The following SORCS3 variants were observed in gnomAD, a reference collection of about 807,000 sequenced individuals.
SORCS3 encodes sortilin related VPS10 domain containing receptor 3.
In SORCS3, 57 loss-of-function variants were observed where a neutral mutation model predicts 146.3. The observed-to-expected ratio is 0.39, with a 90% CI of 0.31 to 0.49. The LOEUF is 0.49. Ranked by LOEUF, SORCS3 falls within the 20% of genes least tolerant of loss-of-function variation. SORCS3 has a pLI of 0.92. For missense variants in SORCS3, 1,341 were observed against 1,575.5 expected (o/e 0.85, Z 2.52); for synonymous variants, 653 against 618.5 (o/e 1.06, Z -0.83).
chr10:105,190,442 G>A (rs1458939464), intron 14 of SORCS3, among the ~76,000 whole-genome samples: 1 of 152,176 alleles, frequency 6.6e-6, no homozygotes, highest in Non-Finnish European at 1.5e-5. Context: ...GTCTCGCTCT[G>A]TCACCTCGGC....
chr10:105,219,248 T>C (rs2056684463), intron 19 of SORCS3, among the ~76,000 whole-genome samples: 1 of 152,080 alleles, frequency 6.6e-6, no homozygotes, highest in African/African-American at 2.4e-5. Context: ...GGGCAAAGTC[T>C]AGAGGAAACG....
chr10:105,072,026 G>A (rs966886782), intron 5 of SORCS3, among the ~76,000 whole-genome samples: 1 of 152,166 alleles, frequency 6.6e-6, no homozygotes, highest in African/African-American at 2.4e-5. Context: ...GAATTCATGA[G>A]CGCTACTTTG....
At chr10:104,852,771 A>G (rs1400988370) in intron 2 of SORCS3, among the ~76,000 whole-genome samples, 1 of 152,202 alleles carries the variant, frequency 6.6e-6, no homozygotes, top group Non-Finnish European at 1.5e-5. Context: ...CCTCCTCTTT[A>G]TAATGACGAC....
At chr10:105,242,460 T>TTA (rs1276419907) in intron 20 of SORCS3, among the ~76,000 whole-genome samples, 10 of 81,984 alleles carry the variant, frequency 1.2e-4, no homozygotes, top group African/African-American at 3.0e-4. Context: ...TTATATATAT[T>TTA]TATATATTTA....
chr10:105,102,116 C>T (rs2055789134), intron 6 of SORCS3, among the ~76,000 whole-genome samples: 1 of 152,184 alleles, frequency 6.6e-6, no homozygotes, highest in Non-Finnish European at 1.5e-5. Context: ...GTTGGACAAG[C>T]TGTTGCTACA....
intron 4 of SORCS3, among the ~76,000 whole-genome samples, chr10:104,991,237 T>C (rs1190374054): frequency 6.6e-6 from 1 of 152,162 alleles, no homozygotes; most frequent in Non-Finnish European, 1.5e-5. Context: ...TGGGGTGCTA[T>C]AGCAAAGTAC....
chr10:104,677,690 T>C (rs1193870832), intron 1 of SORCS3, among the ~76,000 whole-genome samples: 3 of 152,194 alleles, frequency 2.0e-5, no homozygotes, highest in Admixed American at 1.3e-4. Context: ...GGACGAAATG[T>C]GGCAGGAATG....
intron 3 of SORCS3, among the ~76,000 whole-genome samples, chr10:104,929,959 G>T (rs532528807): frequency 6.6e-6 from 1 of 152,260 alleles, no homozygotes; most frequent in South Asian, 2.1e-4. Context: ...CAAAATAAAG[G>T]ACAGTGACTG....
At chr10:105,080,093 T>C (rs988004089) in intron 5 of SORCS3, among the ~76,000 whole-genome samples, 9 of 152,214 alleles carry the variant, frequency 5.9e-5, no homozygotes, top group Non-Finnish European at 1.5e-5. Context: ...GATTACTGTT[T>C]CAAAAGGTAG....
intron 1 of SORCS3, among the ~76,000 whole-genome samples, chr10:104,723,936 C>T (rs1027140150): frequency 1.6e-4 from 24 of 152,224 alleles, no homozygotes; most frequent in African/African-American, 5.8e-4. Context: ...TCCAGTTTGC[C>T]AGTCTGTGTC....
At chr10:104,784,323 G>A (rs1381057408) in intron 1 of SORCS3, among the ~76,000 whole-genome samples, 2 of 152,128 alleles carry the variant, frequency 1.3e-5, no homozygotes, top group Non-Finnish European at 2.9e-5. Flanking sequence ...GGCCAGGGAG[G>A]CTGCTATTCA....
chr10:104,927,643 C>G (rs1355740438), intron 3 of SORCS3, among the ~76,000 whole-genome samples: 1 of 152,110 alleles, frequency 6.6e-6, no homozygotes, highest in Non-Finnish European at 1.5e-5. Flanking sequence ...CTTTGGGAGG[C>G]CGAGGCAGGT....
chr10:104,704,793 C>T (rs2016317748), intron 1 of SORCS3, among the ~76,000 whole-genome samples: 1 of 152,148 alleles, frequency 6.6e-6, no homozygotes, highest in South Asian at 2.1e-4. Context: ...TTCAGTGTTC[C>T]AGCCATACCA....
chr10:104,973,156 C>CT (rs1349545449), intron 3 of SORCS3, among the ~76,000 whole-genome samples: 4 of 151,950 alleles, frequency 2.6e-5, no homozygotes, highest in African/African-American at 7.3e-5. Flanking sequence ...CTAAAATTCT[C>CT]TTTTTTGGTT....
chr10:104,646,873 T>C (rs1317957505), intron 1 of SORCS3, among the ~76,000 whole-genome samples: 1 of 152,124 alleles, frequency 6.6e-6, no homozygotes, highest in African/African-American at 2.4e-5. Context: ...AAGTTTATTC[T>C]CCTGGTGTTG....
At chr10:105,102,528 T>C (rs2055792177) in intron 6 of SORCS3, among the ~76,000 whole-genome samples, 1 of 152,098 alleles carries the variant, frequency 6.6e-6, no homozygotes, top group South Asian at 2.1e-4. Context: ...GGGCTTACTT[T>C]TGAGGGAAGA....
At chr10:104,998,883 A>G (rs1176114009) in intron 4 of SORCS3, among the ~76,000 whole-genome samples, 1 of 152,150 alleles carries the variant, frequency 6.6e-6, no homozygotes, top group Non-Finnish European at 1.5e-5. Context: ...TTTGCAATTC[A>G]TCAAGGCTCA....
At chr10:104,867,186 T>G (rs1038663046) in intron 2 of SORCS3, among the ~76,000 whole-genome samples, 4 of 93,676 alleles carry the variant, frequency 4.3e-5, no homozygotes, top group African/African-American at 2.0e-4. Flanking sequence ...TGAAAGGAAC[T>G]GGGTGGGCTT....
rs138096392 is a variant in SORCS3 at position 104,709,346 on chromosome 10, C to A, written c.627+67392C>A. Among the ~76,000 whole-genome samples, 3 of 152,272 alleles carry A rather than the reference C, an allele frequency of 2.0e-5. No homozygotes were observed. The East Asian group carries it at 5.8e-4, about 29-fold the overall frequency. On this transcript the variant is annotated intron_variant, in intron 1 of 26. Coordinates refer to ENST00000369701, the MANE Select transcript of SORCS3 (RefSeq NM_014978.3). ...GTCATATTGGGCAATGAACAGTGGT[C>A]TCCAAGGAAAGCTCCAGAAGAAGTT...
Sources: allele counts gnomAD v4.1 joint callset (sites outside exome capture counted in the v4.1 genomes callset), GRCh38; gene constraint gnomAD v4.1.1; transcripts MANE v1.5; gene names NCBI Gene and HGNC (gene_info 2026-07-23, HGNC 2026-07-21).